The following CPLX4 variants were observed in gnomAD, a reference collection of about 807,000 sequenced individuals.
CPLX4 encodes complexin 4.
In CPLX4, 17 loss-of-function variants were observed where a neutral mutation model predicts 16.1. That is an observed-to-expected ratio of 1.06 (90% CI 0.72 to 1.59). The LOEUF is 1.59. Ranked by LOEUF, CPLX4 falls within the 40% of genes most tolerant of loss-of-function variation. CPLX4 has a pLI of 0.00. For synonymous variants in CPLX4, 55 were observed against 57.8 expected, an observed-to-expected ratio of 0.95 and a Z score of 0.22; for missense variants, 193 against 192.9, an observed-to-expected ratio of 1.00 and a Z score of 0.00.
Position 59,309,433 on chromosome 18 carries a change from C to T in CPLX4, c.255+3252G>A, listed in dbSNP as rs113875967. Among the ~76,000 whole-genome samples the T allele has an allele frequency of 2.0e-3, 310 of 152,244 alleles. 4 individuals carry two copies. The highest frequency in any genetic ancestry group is 6.6e-3 in the Admixed American group (101 of 15,294). ...GCTACTTGCAGATCTAGGGTCAAAC[C>T]GTTAGACAACACAGGAGAAATAATA... On this transcript the variant is annotated intron_variant, in intron 2 of 2. Coordinates refer to ENST00000299721, the MANE Select transcript of CPLX4 (RefSeq NM_181654.4).
chr18:59,314,924 C>T (rs1298583582), intron 1 of CPLX4, among the ~76,000 whole-genome samples: 1 of 152,212 alleles, frequency 6.6e-6, no homozygotes, highest in Non-Finnish European at 1.5e-5. Context: ...TGTTAATGAA[C>T]ACCTGAATTG....
At chr18:59,303,844 C>G (rs146150456) in intron 2 of CPLX4, among the ~76,000 whole-genome samples, 4 of 152,110 alleles carry the variant, frequency 2.6e-5, no homozygotes, top group Admixed American at 2.0e-4. Flanking sequence ...AGGAGCAAAC[C>G]GAACTGGGGC....
chr18:59,307,398 T>C (rs1018809437), intron 2 of CPLX4, among the ~76,000 whole-genome samples: 1 of 152,152 alleles, frequency 6.6e-6, no homozygotes, highest in East Asian at 1.9e-4. Flanking sequence ...ACTTAGAAGG[T>C]TGGAGGGAAG....
At chr18:59,309,804 C>CA (rs1314245543) in intron 2 of CPLX4, among the ~76,000 whole-genome samples, 1 of 115,762 alleles carries the variant, frequency 8.6e-6, no homozygotes, top group African/African-American at 3.5e-5. Context: ...GCCTGGGTGA[C>CA]AGAGTGAGAC....
chr18:59,296,663 G>T lies in CPLX4; in HGVS notation c.*35C>A. ...CCACAAGAGAGTGGTCTTTTCCAAG[G>T]ATGGCTGGTTCCCTCCCTCCACCCC... On this transcript the variant is annotated 3_prime_UTR_variant, in exon 3 of 3. Transcript: ENST00000299721. 1.2e-6 allele frequency: 2 copies of T among 1,606,414 alleles called. No homozygotes were observed. The highest frequency in any genetic ancestry group is 2.7e-5 in the African/African-American group (2 of 74,698).
chr18:59,296,530 A>G lies in CPLX4; in HGVS notation c.*168T>C. The G allele has an allele frequency of 2.8e-6, 2 of 706,014 alleles. No individual in the cohort carries two copies. Among genetic ancestry groups the G allele is most frequent in the Non-Finnish European group, 4.8e-6 (2 of 418,626 alleles). 43.7% of individuals were successfully genotyped at this position (706,014 alleles called of 1,614,324 possible). On this transcript the variant is annotated 3_prime_UTR_variant, in exon 3 of 3. Coordinates refer to ENST00000299721, the MANE Select transcript of CPLX4 (RefSeq NM_181654.4). ...GTTCCCGCTGCAAGGTGTTAGCTAA[A>G]TGCTCTGCCAGGAATATTTAGAACA...
intron 2 of CPLX4, among the ~76,000 whole-genome samples, chr18:59,306,051 G>A (rs947414773): frequency 2.0e-5 from 3 of 151,880 alleles, no homozygotes; most frequent in Non-Finnish European, 2.9e-5. Context: ...GACAGACCCT[G>A]AACATCTGGA....
Position 59,296,693 on chromosome 18 carries a change from AC to A in CPLX4, c.*4del. The A allele has an allele frequency of 2.1e-6, 3 of 1,414,554 alleles. No homozygotes were observed. The highest frequency in any genetic ancestry group is 3.0e-6 in the Non-Finnish European group (3 of 1,013,852). 87.6% of individuals were successfully genotyped at this position (1,414,554 alleles called of 1,614,324 possible). On this transcript the variant is annotated 3_prime_UTR_variant, in exon 3 of 3. Transcript: ENST00000299721. ...CTGGTTCCCTCCCTCCACCCCTCCC[AC>A]CCCTCACATCACGGAACACTTCTGC...
chr18:59,318,470 GC>G lies in CPLX4; in HGVS notation c.-9del. ...TTTCATAAGGAAAGCCATTTTCTCTGCCCCAGAAAAATAAAACCAAAATTCA... is the reference window on the plus strand; with the variant it reads ...TTTCATAAGGAAAGCCATTTTCTCTGCCCAGAAAAATAAAACCAAAATTCA... On this transcript the variant is annotated 5_prime_UTR_variant, in exon 1 of 3. Transcript: ENST00000299721. 6.3e-7 allele frequency: 1 copy of G among 1,581,264 alleles called. No individual in the cohort carries two copies. Among genetic ancestry groups the G allele is most frequent in the Non-Finnish European group, 8.6e-7 (1 of 1,167,964 alleles).
intron 2 of CPLX4, among the ~76,000 whole-genome samples, chr18:59,310,593 T>C (rs1005612916): frequency 1.3e-5 from 2 of 152,120 alleles, no homozygotes; most frequent in African/African-American, 4.8e-5. Flanking sequence ...AGACCCCTGG[T>C]TGTTATTATC....
Position 59,318,322 on chromosome 18 carries a change from C to T in CPLX4, c.141G>A (p.Glu47=). The change falls in exon 1 of 3, where the codon GAG becomes GAA. Residue 47 remains glutamate, a synonymous_variant. Coordinates refer to ENST00000299721, the MANE Select transcript of CPLX4 (RefSeq NM_181654.4). ...TCTCCTCAATCATTTGCTTTTGATACTCCTCATACTCCTCTCTAGTCATCC... is the reference window on the plus strand; with the variant it reads ...TCTCCTCAATCATTTGCTTTTGATATTCCTCATACTCCTCTCTAGTCATCC... ...AQGMTREEYE[E]YQKQMIEEKM... The T allele has an allele frequency of 1.2e-6, 2 of 1,607,890 alleles. No individual in the cohort carries two copies. The highest frequency in any genetic ancestry group is 1.3e-5 in the African/African-American group (1 of 74,612).
chr18:59,302,065 C>T (rs994048123), intron 2 of CPLX4, among the ~76,000 whole-genome samples: 4 of 152,076 alleles, frequency 2.6e-5, no homozygotes, highest in Non-Finnish European at 4.4e-5. Context: ...GGGAGAGTAT[C>T]GGCCCTTAAG....
chr18:59,311,425 G>T (rs1389991999), intron 2 of CPLX4, among the ~76,000 whole-genome samples: 1 of 152,116 alleles, frequency 6.6e-6, no homozygotes, highest in African/African-American at 2.4e-5. Flanking sequence ...TTTCATCAGT[G>T]ACCTTGCATA....
intron 2 of CPLX4, among the ~76,000 whole-genome samples, chr18:59,304,923 C>CTGTG (rs1568105322): frequency 1.0e-5 from 1 of 96,252 alleles, no homozygotes; most frequent in African/African-American, 4.6e-5. Context: ...ACTCAACAAT[C>CTGTG]AGTGTGTGTG....
At chr18:59,317,619 C>T (rs1479832138) in intron 1 of CPLX4, among the ~76,000 whole-genome samples, 1 of 152,036 alleles carries the variant, frequency 6.6e-6, no homozygotes, top group East Asian at 1.9e-4. Flanking sequence ...AAGCTATTAT[C>T]TACCATCTAT....
intron 1 of CPLX4, among the ~76,000 whole-genome samples, chr18:59,317,529 A>C (rs977292687): frequency 2.6e-5 from 4 of 152,140 alleles, no homozygotes; most frequent in Non-Finnish European, 4.4e-5. Context: ...TTATATAGCC[A>C]AGAAAATGCC....
At chr18:59,304,924 A>AGTGTGTGT (rs56041280) in intron 2 of CPLX4, among the ~76,000 whole-genome samples, 44 of 142,236 alleles carry the variant, frequency 3.1e-4, no homozygotes, top group Middle Eastern at 3.6e-3. Flanking sequence ...CTCAACAATC[A>AGTGTGTGT]GTGTGTGTGT....
chr18:59,309,886 G>A (rs937609186), intron 2 of CPLX4, among the ~76,000 whole-genome samples: 2 of 151,652 alleles, frequency 1.3e-5, no homozygotes, highest in Non-Finnish European at 2.9e-5. Context: ...CTTGAAAGGA[G>A]GAGCCCTGTT....
At chr18:59,313,054 C>G (rs1398179640) in intron 1 of CPLX4, among the ~76,000 whole-genome samples, 5 of 152,168 alleles carry the variant, frequency 3.3e-5, no homozygotes, top group Non-Finnish European at 7.3e-5. Context: ...ATGGAGTTTT[C>G]CGTGGACTGT....
Sources: allele counts gnomAD v4.1 joint callset (sites outside exome capture counted in the v4.1 genomes callset), GRCh38; gene constraint gnomAD v4.1.1; transcripts MANE v1.5; gene names NCBI Gene and HGNC (gene_info 2026-07-23, HGNC 2026-07-21).